THRAP3: variants seen among roughly 807,000 people sequenced by gnomAD.
THRAP3 encodes thyroid hormone receptor associated protein 3.
Under a neutral mutation model 101.0 loss-of-function variants are expected in THRAP3, and 16 were observed. The ratio of observed to expected loss-of-function variants is 0.16; its 90% confidence interval spans 0.11 to 0.24. The LOEUF is 0.24. Among genes scored for constraint, THRAP3 ranks in the 10% least tolerant of loss-of-function variants. The pLI is 1.00. For synonymous variants in THRAP3, 407 were observed against 422.6 expected (o/e 0.96, Z 0.45); for missense variants, 989 against 1,202.7 (o/e 0.82, Z 2.63).
the THRAP3 span, among the ~76,000 whole-genome samples, chr1:36,215,864 C>T: frequency 2.0e-5 from 3 of 151,898 alleles, no homozygotes; most frequent in Non-Finnish European, 4.4e-5. Flanking sequence ...ATTCTCCTGT[C>T]TCAGCCTCCT....
chr1:36,236,575 C>T (rs77566312), intron 1 of THRAP3, among the ~76,000 whole-genome samples: 3,192 of 152,132 alleles, frequency 0.021, 50 homozygotes, highest in South Asian at 0.033. Flanking sequence ...GGATTACAGG[C>T]TTAAGCTACC....
intron 9 of THRAP3, among the ~76,000 whole-genome samples, chr1:36,299,843 C>T (rs934400756): frequency 3.3e-5 from 5 of 152,146 alleles, no homozygotes; most frequent in Admixed American, 6.5e-5. Context: ...CTTGAAATAG[C>T]ACGGATGTTT....
intron 2 of THRAP3, among the ~76,000 whole-genome samples, chr1:36,281,949 T>G (rs887801323): frequency 1.3e-5 from 2 of 152,152 alleles, no homozygotes; most frequent in Non-Finnish European, 2.9e-5. Flanking sequence ...GGCCCATGCT[T>G]GTAATCCCAG....
chr1:36,268,887 A>G (rs971974761), intron 2 of THRAP3, among the ~76,000 whole-genome samples: 100 of 152,146 alleles, frequency 6.6e-4, no homozygotes, highest in African/African-American at 2.4e-3. Context: ...CACCACGCCC[A>G]GCTAATTTTT....
At position 36,304,083 on chromosome 1, in the gene THRAP3, T is replaced by C; in HGVS notation, c.*66T>C. On this transcript the variant is annotated 3_prime_UTR_variant, in exon 12 of 12. Transcript: ENST00000354618. Reference sequence around the variant, plus strand: ...GCTGGGAAGATGGCTGGTGAGGAGCTTAACAGAGGAACCTCAAGAAGATTC... The same window carrying C: ...GCTGGGAAGATGGCTGGTGAGGAGCCTAACAGAGGAACCTCAAGAAGATTC... 2 of 1,443,392 alleles carry C rather than the reference T, an allele frequency of 1.4e-6. No individual in the cohort carries two copies. The highest frequency in any genetic ancestry group is 1.8e-6 in the Non-Finnish European group (2 of 1,096,544). The allele number at this position is 1,443,392 out of a possible 1,614,324, so 89.4% of individuals were successfully genotyped here.
chr1:36,249,659 G>T (rs550707077), intron 1 of THRAP3, among the ~76,000 whole-genome samples: 27 of 149,096 alleles, frequency 1.8e-4, no homozygotes, highest in Admixed American at 6.1e-4. Flanking sequence ...TTGCTGGAAG[G>T]TTTCGAATAA....
chr1:36,295,648 C>A (rs1257976779), intron 8 of THRAP3, among the ~76,000 whole-genome samples: 1 of 150,790 alleles, frequency 6.6e-6, no homozygotes, highest in East Asian at 2.0e-4. Context: ...TCTTTGGTTT[C>A]TTTCCCCCTT....
chr1:36,238,718 T>G (rs1557809409), intron 1 of THRAP3, among the ~76,000 whole-genome samples: 3 of 152,222 alleles, frequency 2.0e-5, no homozygotes, highest in South Asian at 2.1e-4. Flanking sequence ...TTGTTTCGTT[T>G]TTTTGGAGAC....
chr1:36,286,754 A>G lies in THRAP3; in HGVS notation c.524A>G (p.Lys175Arg). The G allele has an allele frequency of 3.1e-6, 5 of 1,614,232 alleles. No individual in the cohort carries two copies. Among genetic ancestry groups the G allele is most frequent in the Non-Finnish European group, 4.2e-6 (5 of 1,180,042 alleles). ...AGCCGAGTTGAATCTTCTAAGCGCA[A>G]GTCTGCAAAGGAGAAAAAGTCCTCT... ...NHSRVESSKR[K>R]SAKEKKSSSK... The change falls in exon 4 of 12, where the codon AAG becomes AGG. Residue 175 changes from lysine (K) to arginine (R), a missense_variant. Lys to Arg is a conservative substitution (Grantham distance 26). Transcript: ENST00000354618. This position sits in a 1 kb window ranked among gnomAD's most constrained non-coding sequence, Gnocchi z 5.5.
At chr1:36,271,435 A>G (rs540968458) in intron 2 of THRAP3, among the ~76,000 whole-genome samples, 29 of 152,030 alleles carry the variant, frequency 1.9e-4, no homozygotes, top group Non-Finnish European at 3.2e-4. Context: ...GGTGCATGCC[A>G]ACACACCTGG....
At chr1:36,233,799 C>G (rs1482245001) in intron 1 of THRAP3, among the ~76,000 whole-genome samples, 1 of 151,984 alleles carries the variant, frequency 6.6e-6, no homozygotes, top group Non-Finnish European at 1.5e-5. Context: ...AATTTGTATT[C>G]AAAACCCATT....
chr1:36,221,884 A>G (rs1644904557), upstream of THRAP3, among the ~76,000 whole-genome samples: 1 of 148,472 alleles, frequency 6.7e-6, no homozygotes, highest in Non-Finnish European at 1.5e-5. Flanking sequence ...ATCTCGGCTC[A>G]CCGCAACCTC....
intron 1 of THRAP3, among the ~76,000 whole-genome samples, chr1:36,251,960 T>C (rs1436740079): frequency 6.6e-6 from 1 of 152,162 alleles, no homozygotes; most frequent in Non-Finnish European, 1.5e-5. Context: ...TCTTATTATT[T>C]ATTGAGGAGT....
At chr1:36,234,311 C>A (rs1339021686) in intron 1 of THRAP3, among the ~76,000 whole-genome samples, 1 of 152,182 alleles carries the variant, frequency 6.6e-6, no homozygotes, top group Non-Finnish European at 1.5e-5. Flanking sequence ...TTTATTCAAG[C>A]AGAGCACACA....
intron 2 of THRAP3, among the ~76,000 whole-genome samples, chr1:36,266,017 G>A (rs1645509612): frequency 6.6e-6 from 1 of 151,992 alleles, no homozygotes; most frequent in Non-Finnish European, 1.5e-5. Flanking sequence ...AGCCAGGCAT[G>A]GTGACATGCA....
chr1:36,229,226 T>C (rs564075482), intron 1 of THRAP3, among the ~76,000 whole-genome samples: 1 of 151,830 alleles, frequency 6.6e-6, no homozygotes, highest in East Asian at 2.0e-4. Context: ...GCTTCCCAGG[T>C]AGCTTGGACT....
At chr1:36,255,799 G>T (rs1011630248) in intron 1 of THRAP3, among the ~76,000 whole-genome samples, 42 of 150,742 alleles carry the variant, frequency 2.8e-4, no homozygotes, top group African/African-American at 1.0e-3. Flanking sequence ...AAGAAAGAAA[G>T]ATTGCCAGGG....
At position 36,286,128 on chromosome 1, in the gene THRAP3, A is replaced by G. The variant is rs919890468; in HGVS notation, c.138-240A>G. Among the ~76,000 whole-genome samples, 1 of 152,252 alleles carries G rather than the reference A, an allele frequency of 6.6e-6. No homozygotes were observed. Among genetic ancestry groups the G allele is most frequent in the African/African-American group, 2.4e-5 (1 of 41,464 alleles). ...CACTGTAGAAGTACACCTCCATTTT[A>G]AATGTGCTGCAATATGAATGAAGTG... is the stretch of plus-strand genomic sequence containing the variant. On this transcript the variant is annotated intron_variant, in intron 3 of 11. Coordinates refer to ENST00000354618, the MANE Select transcript of THRAP3 (RefSeq NM_005119.4). This position sits in a 1 kb window ranked among gnomAD's most constrained non-coding sequence, Gnocchi z 5.5.
At chr1:36,220,148 C>G (rs1328769880), upstream of THRAP3, among the ~76,000 whole-genome samples, 1 of 152,096 alleles carries the variant, frequency 6.6e-6, no homozygotes, top group Non-Finnish European at 1.5e-5. Flanking sequence ...TGCACACCAC[C>G]ACGCCCAGCT....
Sources: allele counts gnomAD v4.1 joint callset (sites outside exome capture counted in the v4.1 genomes callset), GRCh38; gene constraint gnomAD v4.1.1; non-coding constraint Gnocchi (gnomAD v3.1); transcripts MANE v1.5; gene names NCBI Gene and HGNC (gene_info 2026-07-23, HGNC 2026-07-21).